The following LAMA2 variants were observed in gnomAD, a reference collection of about 807,000 sequenced individuals.
LAMA2 encodes the protein laminin subunit alpha-2.
LAMA2 carries 269 observed loss-of-function variants against 364.8 expected under a neutral mutation model. That is an observed-to-expected ratio of 0.74 (90% CI 0.67 to 0.82). LAMA2 has a LOEUF of 0.82. Among genes scored for constraint, LAMA2 ranks in the 40% least tolerant of loss-of-function variants. The probability of loss-of-function intolerance (pLI) is 0.00; values close to 1 mark genes in which losing one functional copy is unlikely to be tolerated. For synonymous variants in LAMA2, 1,379 were observed against 1,370.6 expected (o/e 1.01, Z -0.14); for missense variants, 3,807 against 3,873.2 (o/e 0.98, Z 0.45).
At chr6:128,890,150 G>A (rs924628329) in intron 1 of LAMA2, among the ~76,000 whole-genome samples, 5 of 152,132 alleles carry the variant, frequency 3.3e-5, no homozygotes, top group Admixed American at 6.6e-5. Flanking sequence ...ATTTAGCTGC[G>A]TCTTGAGTGC....
At chr6:129,372,048 A>G (rs1447973236) in intron 34 of LAMA2, among the ~76,000 whole-genome samples, 1 of 152,208 alleles carries the variant, frequency 6.6e-6, no homozygotes, top group Non-Finnish European at 1.5e-5. Flanking sequence ...AGAAAAATTG[A>G]GTGTAAAGTT....
chr6:129,215,066 C>T (rs1338673734), intron 12 of LAMA2, among the ~76,000 whole-genome samples: 1 of 152,056 alleles, frequency 6.6e-6, no homozygotes, highest in Non-Finnish European at 1.5e-5. Context: ...CTTCACATTC[C>T]AATTTTCTTT....
intron 55 of LAMA2, among the ~76,000 whole-genome samples, chr6:129,482,944 A>G (rs2571585): frequency 0.34 from 51,957 of 151,324 alleles, 10,014 homozygotes; most frequent in African/African-American, 0.54. Flanking sequence ...GCAGGTGCCT[A>G]TAATCCCAGT....
intron 34 of LAMA2, among the ~76,000 whole-genome samples, chr6:129,380,985 A>G (rs887755624): frequency 3.3e-5 from 5 of 152,202 alleles, no homozygotes; most frequent in Admixed American, 3.3e-4. Context: ...TTTAAAAGAG[A>G]CAGTGTATGA....
chr6:129,326,164 A>C (rs1343925283), intron 28 of LAMA2, among the ~76,000 whole-genome samples: 1 of 152,126 alleles, frequency 6.6e-6, no homozygotes, highest in Non-Finnish European at 1.5e-5. Context: ...TTTTAAATGC[A>C]CACATACACA....
chr6:129,227,922 A>G (rs1045732724), intron 12 of LAMA2, among the ~76,000 whole-genome samples: 2 of 152,146 alleles, frequency 1.3e-5, no homozygotes, highest in African/African-American at 4.8e-5. Context: ...TCCTACTCCC[A>G]GAGGTGGAGT....
intron 45 of LAMA2, among the ~76,000 whole-genome samples, chr6:129,446,742 T>C (rs542576549): frequency 1.3e-5 from 2 of 152,252 alleles, no homozygotes; most frequent in Non-Finnish European, 2.9e-5. Flanking sequence ...CATCAGTTTA[T>C]ATTTTTAGTA....
intron 56 of LAMA2, among the ~76,000 whole-genome samples, chr6:129,487,342 C>A (rs992718991): frequency 6.6e-6 from 1 of 152,144 alleles, no homozygotes; most frequent in Non-Finnish European, 1.5e-5. Context: ...GGAAAGTCAT[C>A]TGTATTTTTC....
chr6:128,940,717 C>A (rs1258504426), intron 1 of LAMA2, among the ~76,000 whole-genome samples: 2 of 152,098 alleles, frequency 1.3e-5, no homozygotes, highest in Non-Finnish European at 2.9e-5. Context: ...TTCTAGAGAC[C>A]AGGGTGAGAG....
At chr6:128,969,544 C>T (rs1782059860) in intron 1 of LAMA2, among the ~76,000 whole-genome samples, 1 of 152,034 alleles carries the variant, frequency 6.6e-6, no homozygotes, top group South Asian at 2.1e-4. Flanking sequence ...GATCCTCCTG[C>T]CTCAGCCACG....
In LAMA2 at chr6:129,416,014, T is replaced by C. The variant is rs1780770191; in HGVS notation, c.5866-11738T>C. On this transcript the variant is annotated intron_variant, in intron 40 of 64. Transcript: ENST00000421865. ...CCCAGGCTGGAGTGCAGTGGCGGGA[T>C]CTCGGCTCACTGCAAGCTCCGCCTC... Among the ~76,000 whole-genome samples the C allele has an allele frequency of 1.3e-4, 5 of 37,218 alleles. 1 individual carries two copies. In the South Asian group the frequency reaches 4.9e-3, roughly 37 times the overall value. 24.4% of individuals were successfully genotyped at this position (37,218 alleles called of 152,430 possible). A position where few individuals can be genotyped will look rare whatever the true frequency, so the allele number is the denominator to read the frequency against.
intron 1 of LAMA2, chr6:128,905,394 T>C (rs534359163): frequency 1.8e-3 from 277 of 152,224 alleles, no homozygotes; most frequent in African/African-American, 6.4e-3. Context: ...TTCTGTTCCA[T>C]TGCAGGCATA....
chr6:128,893,385 TATTA>T (rs1203357972), intron 1 of LAMA2, among the ~76,000 whole-genome samples: 1 of 151,844 alleles, frequency 6.6e-6, no homozygotes, highest in Non-Finnish European at 1.5e-5. Flanking sequence ...AACCATTTGT[TATTA>T]ATTAATAATG....
intron 12 of LAMA2, among the ~76,000 whole-genome samples, chr6:129,247,713 T>C (rs1216630287): frequency 6.6e-6 from 1 of 152,140 alleles, no homozygotes; most frequent in Non-Finnish European, 1.5e-5. Flanking sequence ...TACGTTGTAA[T>C]AATGGCAAAC....
intron 1 of LAMA2, among the ~76,000 whole-genome samples, chr6:128,964,233 T>C (rs1353121696): frequency 6.6e-6 from 1 of 152,120 alleles, no homozygotes; most frequent in Non-Finnish European, 1.5e-5. Flanking sequence ...ATATCTGACA[T>C]GGGAAAGGGA....
At chr6:129,190,109 G>T in intron 10 of LAMA2, 96 bp from the exon 11 acceptor site, 1 of 1,229,638 alleles carries the variant, frequency 8.1e-7, no homozygotes, top group Non-Finnish European at 1.2e-6. Context: ...AGGGTAAAAT[G>T]AAGAATGTAC....
chr6:129,486,534 C>G lies in LAMA2; in HGVS notation c.7810C>G (p.Arg2604Gly), dbSNP rs766920075. 1 of 1,613,766 alleles carries G rather than the reference C, an allele frequency of 6.2e-7. No individual in the cohort carries two copies. ...GGAAGTGCATCTCTCCACAGGGGCA[C>G]GAACAATGAGGAAAATTGTGATCAG... The part of the protein sequence containing the change: ...RLEVHLSTGA[R>G]TMRKIVIRPE... Residue 2604 changes from arginine to glycine, a missense_variant, in exon 56 of 65, where the codon CGA becomes GGA. Around this residue, in one of 3 missense-constraint regions of LAMA2, gnomAD observed 3,333 missense variants for 3,345.7 expected, o/e 1.00. Coordinates refer to ENST00000421865, the MANE Select transcript of LAMA2 (RefSeq NM_000426.4).
At chr6:128,973,111 G>A (rs991619927) in intron 1 of LAMA2, among the ~76,000 whole-genome samples, 2 of 152,142 alleles carry the variant, frequency 1.3e-5, no homozygotes, top group East Asian at 3.8e-4. Flanking sequence ...CCTAAAATTG[G>A]TAATTCAACT....
At chr6:129,329,820 T>C (rs1775524971) in intron 29 of LAMA2, among the ~76,000 whole-genome samples, 1 of 152,166 alleles carries the variant, frequency 6.6e-6, no homozygotes, top group Admixed American at 6.5e-5. Flanking sequence ...CGTGGCCTTT[T>C]AGAAACCAGA....
Sources: allele counts gnomAD v4.1 joint callset (sites outside exome capture counted in the v4.1 genomes callset), GRCh38; gene constraint gnomAD v4.1.1; regional missense constraint gnomAD v4.1.1; transcripts MANE v1.5; gene names NCBI Gene and HGNC (gene_info 2026-07-23, HGNC 2026-07-21).